The following HK1 variants were observed in gnomAD, a reference collection of about 807,000 sequenced individuals.
The protein encoded by HK1 is hexokinase-1.
In HK1, 28 loss-of-function variants were observed where a neutral mutation model predicts 91.6. The ratio of observed to expected loss-of-function variants is 0.31; its 90% confidence interval spans 0.23 to 0.42. HK1 has a LOEUF of 0.42. Ranked by LOEUF, HK1 falls within the 10% of genes least tolerant of loss-of-function variation. The pLI, the probability that HK1 is intolerant of heterozygous loss-of-function variation, is 1.00. For missense variants in HK1, 770 were observed against 1,219.8 expected, an observed-to-expected ratio of 0.63 and a Z score of 5.49; for synonymous variants, 430 against 468.1, an observed-to-expected ratio of 0.92 and a Z score of 1.05.
intron 2 of HK1, among the ~76,000 whole-genome samples, chr10:69,351,026 T>A (rs1338564781): frequency 9.5e-6 from 1 of 104,838 alleles, no homozygotes. Context: ...AAAAAAAAAA[T>A]TAGCTGGGCG....
At chr10:69,271,626 T>C (rs952551336) in intron 1 of HK1, among the ~76,000 whole-genome samples, 1 of 151,738 alleles carries the variant, frequency 6.6e-6, no homozygotes, top group Non-Finnish European at 1.5e-5. Context: ...TACAGGTGCC[T>C]CCCACCACGC....
chr10:69,301,837 T>G (rs1390384387), intron 5 of HK1, among the ~76,000 whole-genome samples: 2 of 152,180 alleles, frequency 1.3e-5, no homozygotes. Flanking sequence ...TCAGCTGGCT[T>G]CTTTGCAGAA....
intron 2 of HK1, among the ~76,000 whole-genome samples, chr10:69,285,854 T>G (rs1284912549): frequency 6.6e-6 from 1 of 152,230 alleles, no homozygotes; most frequent in African/African-American, 2.4e-5. Context: ...AACTCTGCTT[T>G]GAATGACCTT....
At chr10:69,322,461 A>G (rs1028555280) in intron 1 of HK1, among the ~76,000 whole-genome samples, 2 of 152,240 alleles carry the variant, frequency 1.3e-5, no homozygotes, top group Non-Finnish European at 2.9e-5. Context: ...GATTTGTCCA[A>G]TGGCCGAACT....
intron 15 of HK1, 80 bp from the exon 16 acceptor site, chr10:69,394,870 C>A: frequency 7.0e-7 from 1 of 1,423,350 alleles, no homozygotes; most frequent in South Asian, 1.2e-5. Context: ...GTAGGAGACG[C>A]GGAGTGACCG....
rs151241477 is a variant in HK1 at position 69,352,342 on chromosome 10, G to A, written c.227-7555G>A. Among the ~76,000 whole-genome samples the A allele has an allele frequency of 7.6e-4, 115 of 152,200 alleles. 1 individual carries two copies. The highest frequency in any genetic ancestry group is 6.8e-3 in the Middle Eastern group (2 of 294). On this transcript the variant is annotated intron_variant, in intron 2 of 17. Coordinates refer to ENST00000359426, the MANE Select transcript of HK1 (RefSeq NM_000188.3). ...TGGTGTAAAGTACTGTTGGAGTTAG[G>A]ACTCCAATGGGAGCCCAAAGAAAAT... is the stretch of plus-strand genomic sequence containing the variant.
intron 3 of HK1, 83 bp from the exon 4 acceptor site, chr10:69,364,700 G>A (rs1849605685): frequency 2.6e-6 from 4 of 1,516,482 alleles, no homozygotes; most frequent in Non-Finnish European, 3.7e-6. Flanking sequence ...CTTTCTGTGT[G>A]TGTGGGAGGG....
chr10:69,280,472 G>A (rs1844690083), intron 1 of HK1, among the ~76,000 whole-genome samples: 1 of 152,130 alleles, frequency 6.6e-6, no homozygotes, highest in Admixed American at 6.6e-5. Context: ...GTCTTGGGTG[G>A]GTGCTATGGT....
chr10:69,280,539 T>C (rs916269560), intron 1 of HK1, among the ~76,000 whole-genome samples: 2 of 152,192 alleles, frequency 1.3e-5, no homozygotes, highest in Non-Finnish European at 2.9e-5. Flanking sequence ...GATATGATAA[T>C]ATTAGAAGGT....
intron 17 of HK1, among the ~76,000 whole-genome samples, chr10:69,399,932 G>C (rs1255198454): frequency 6.6e-6 from 1 of 152,102 alleles, no homozygotes; most frequent in Non-Finnish European, 1.5e-5. Flanking sequence ...CGTGGCTTGG[G>C]GTGGAACCAT....
intron 3 of HK1, among the ~76,000 whole-genome samples, chr10:69,292,711 T>C (rs1367981625): frequency 6.6e-6 from 1 of 152,128 alleles, no homozygotes; most frequent in Non-Finnish European, 1.5e-5. Context: ...GGCCTCAGTA[T>C]TCGTATTCGT....
chr10:69,326,994 T>C (rs1000255145), intron 1 of HK1, among the ~76,000 whole-genome samples: 1 of 151,018 alleles, frequency 6.6e-6, no homozygotes, highest in South Asian at 2.1e-4. Context: ...TTTGTGTGGT[T>C]TTAAACTTTT....
intron 13 of HK1, among the ~76,000 whole-genome samples, chr10:69,388,094 T>G (rs1161159363): frequency 2.6e-5 from 4 of 152,088 alleles, no homozygotes; most frequent in African/African-American, 9.7e-5. Flanking sequence ...AGGGCTGAGT[T>G]GCATCTGGAA....
At chr10:69,379,101 T>A (rs1364304421) in intron 8 of HK1, among the ~76,000 whole-genome samples, 1 of 152,150 alleles carries the variant, frequency 6.6e-6, no homozygotes, top group Non-Finnish European at 1.5e-5. Flanking sequence ...TTTTATTTAA[T>A]CTGGTTTTTT....
At chr10:69,290,909 T>G (rs1444863911) in intron 3 of HK1, among the ~76,000 whole-genome samples, 1 of 152,190 alleles carries the variant, frequency 6.6e-6, no homozygotes, top group Non-Finnish European at 1.5e-5. Context: ...TGGTTGTCAG[T>G]GGGGAGTGGA....
rs764177459 is a variant in HK1, at chr10:69,290,192, CT to C, written c.-115+1423del. Among the ~76,000 whole-genome samples the C allele has an allele frequency of 8.1e-4, 124 of 152,264 alleles. 3 individuals are homozygous for C. The highest frequency in any genetic ancestry group is 8.8e-4 in the Non-Finnish European group (60 of 68,016). On this transcript the variant is annotated intron_variant, in intron 3 of 21. Coordinates refer to the HK1 transcript ENST00000360289. ...AACTGAGTGCCCTGAGCCCAGAACA[CT>C]CTCAGAGCCCCATTTAAATCACTGC...
intron 4 of HK1, chr10:69,300,655 G>T (rs553424126): frequency 3.1e-5 from 24 of 768,732 alleles, no homozygotes; most frequent in Admixed American, 5.6e-5. Context: ...CTAGCTCTGT[G>T]ATCATCCATG....
At chr10:69,304,678 G>A (rs1489623167) in intron 5 of HK1, among the ~76,000 whole-genome samples, 1 of 152,194 alleles carries the variant, frequency 6.6e-6, no homozygotes, top group African/African-American at 2.4e-5. Flanking sequence ...GAATGAACAA[G>A]GACAGCTTGG....
In HK1 at chr10:69,380,462, G is replaced by A. The variant is rs1839334980; in HGVS notation, c.1265+367G>A. The stretch of plus-strand genomic sequence containing the variant: ...TCGTTACCTCGCCCTGTCAAAAGTC[G>A]AGATGGAGATTTCTGTAGCTGTCGG... On this transcript the variant is annotated intron_variant, in intron 9 of 17. Transcript: ENST00000359426. This position sits in a 1 kb window ranked among gnomAD's most constrained non-coding sequence, Gnocchi z 4.0. Among the ~76,000 whole-genome samples the A allele has an allele frequency of 6.6e-6, 1 of 152,178 alleles. No homozygotes were observed. Among genetic ancestry groups the A allele is most frequent in the African/African-American group, 2.4e-5 (1 of 41,444 alleles).
Sources: allele counts gnomAD v4.1 joint callset (sites outside exome capture counted in the v4.1 genomes callset), GRCh38; gene constraint gnomAD v4.1.1; non-coding constraint Gnocchi (gnomAD v3.1); transcripts MANE v1.5; gene names NCBI Gene and HGNC (gene_info 2026-07-23, HGNC 2026-07-21).